The following MYO10 variants were observed in gnomAD, a reference collection of about 807,000 sequenced individuals.
The protein encoded by MYO10 is myosin X, also known as unconventional myosin-X.
A neutral mutation model predicts 257.3 loss-of-function variants in MYO10; 133 were observed. That is an observed-to-expected ratio of 0.52 (90% CI 0.45 to 0.60). The LOEUF (loss-of-function observed/expected upper bound fraction) is 0.60. MYO10 is among the 20% of genes least tolerant of loss of function. MYO10 has a pLI of 0.00. For synonymous variants in MYO10, 1,104 were observed against 1,028.6 expected, an observed-to-expected ratio of 1.07 and a Z score of -1.40; for missense variants, 2,399 against 2,635.7, an observed-to-expected ratio of 0.91 and a Z score of 1.97.
intron 3 of MYO10, among the ~76,000 whole-genome samples, chr5:16,803,175 C>T (rs1168996695): frequency 2.0e-5 from 3 of 151,974 alleles, no homozygotes; most frequent in African/African-American, 7.2e-5. Flanking sequence ...CCCGTAATCC[C>T]AGCAGTTTGG....
At chr5:16,713,571 AGGAGC>A in intron 19 of MYO10, 1 of 865,662 alleles carries the variant, frequency 1.2e-6, no homozygotes, top group Non-Finnish European at 1.4e-6. Flanking sequence ...GGAGGGAGCA[AGGAGC>A]GGCCTCGAGA....
At chr5:16,821,522 A>T (rs1450212393) in intron 2 of MYO10, among the ~76,000 whole-genome samples, 2 of 125,638 alleles carry the variant, frequency 1.6e-5, no homozygotes, top group Non-Finnish European at 3.1e-5. Context: ...GCTGGAGTGC[A>T]GTGGCGCGAT....
At chr5:16,733,916 C>A (rs1428716404) in intron 19 of MYO10, among the ~76,000 whole-genome samples, 1 of 151,998 alleles carries the variant, frequency 6.6e-6, no homozygotes, top group Admixed American at 6.6e-5. Flanking sequence ...CTGGGTGACT[C>A]GAACTGCTTA....
chr5:16,692,588 T>C (rs1288324171), intron 27 of MYO10, among the ~76,000 whole-genome samples: 2 of 152,192 alleles, frequency 1.3e-5, no homozygotes, highest in African/African-American at 4.8e-5. Flanking sequence ...GAAGAAATTA[T>C]ATGATAGGGA....
chr5:16,663,328 G>GTTTTTT lies in MYO10; in HGVS notation c.*3358_*3363dup, dbSNP rs70940395. 316 of 76,842 alleles carry GTTTTTT rather than the reference G, an allele frequency of 4.1e-3. 38 individuals carry two copies. The highest frequency in any genetic ancestry group is 7.7e-3 in the African/African-American group (120 of 15,510). The allele number at this position is 76,842 out of a possible 1,614,324, so 4.8% of individuals were successfully genotyped here. A position where few individuals can be genotyped will look rare whatever the true frequency, so the allele number is the denominator to read the frequency against. Reference sequence around the variant, plus strand: ...AAAAAGTAACATTTTACTTCTAGTTGTTTTTTTTTTTTTTTTTTTTTTTTT... The same window carrying GTTTTTT: ...AAAAAGTAACATTTTACTTCTAGTTGTTTTTTTTTTTTTTTTTTTTTTTTTTTTTTT... On this transcript the variant is annotated 3_prime_UTR_variant, in exon 41 of 41. Coordinates refer to ENST00000513610, the MANE Select transcript of MYO10 (RefSeq NM_012334.3).
chr5:16,918,329 T>C (rs886738636), intron 1 of MYO10, among the ~76,000 whole-genome samples: 1 of 152,074 alleles, frequency 6.6e-6, no homozygotes, highest in African/African-American at 2.4e-5. Flanking sequence ...ACAAACTGCA[T>C]ATGGATTCCA....
intron 19 of MYO10, among the ~76,000 whole-genome samples, chr5:16,733,779 G>C (rs1739680083): frequency 6.6e-6 from 1 of 152,184 alleles, no homozygotes; most frequent in South Asian, 2.1e-4. Context: ...AGCACTCAAA[G>C]GCCAGGTTAT....
chr5:16,707,178 G>A (rs1738383358), intron 21 of MYO10, among the ~76,000 whole-genome samples: 1 of 152,164 alleles, frequency 6.6e-6, no homozygotes, highest in African/African-American at 2.4e-5. Flanking sequence ...CCATGATCAT[G>A]AGGCCTCCCC....
chr5:16,827,302 TGGAGAC>T (rs1235828600), intron 2 of MYO10, among the ~76,000 whole-genome samples: 1 of 152,186 alleles, frequency 6.6e-6, no homozygotes. Context: ...TTTGTTTTTT[TGGAGAC>T]GGAGTCTCAC....
intron 19 of MYO10, among the ~76,000 whole-genome samples, chr5:16,750,111 A>C (rs948823819): frequency 2.6e-5 from 4 of 152,134 alleles, no homozygotes; most frequent in African/African-American, 4.8e-5. Context: ...GGAGAAGTCT[A>C]CCCTTTGTGA....
intron 9 of MYO10, among the ~76,000 whole-genome samples, chr5:16,770,341 A>G (rs2126658315): frequency 6.6e-6 from 1 of 152,286 alleles, no homozygotes; most frequent in East Asian, 1.9e-4. Context: ...AATTTCTCCA[A>G]AGGATTTTTT....
intron 1 of MYO10, among the ~76,000 whole-genome samples, chr5:16,928,351 C>T (rs116218763): frequency 0.025 from 3,844 of 152,184 alleles, 65 homozygotes; most frequent in Middle Eastern, 0.044. Context: ...CATGTCACCA[C>T]GCCCAGCTAA....
chr5:16,800,375 T>C (rs1198343611), intron 3 of MYO10, among the ~76,000 whole-genome samples: 5 of 152,140 alleles, frequency 3.3e-5, no homozygotes, highest in Admixed American at 6.6e-5. Flanking sequence ...CTGGGCAATA[T>C]AGGAAGACCC....
At position 16,665,570 on chromosome 5, in the gene MYO10, A is replaced by ATG. The variant is rs1222633669; in HGVS notation, c.*1120_*1121dup. 1.3e-5 allele frequency: 2 copies of ATG among 152,234 alleles called. No individual in the cohort carries two copies. The highest frequency in any genetic ancestry group is 2.9e-5 in the Non-Finnish European group (2 of 68,036). The allele number at this position is 152,234 out of a possible 1,614,324, so 9.4% of individuals were successfully genotyped here. On this transcript the variant is annotated 3_prime_UTR_variant, in exon 41 of 41. Coordinates refer to ENST00000513610, the MANE Select transcript of MYO10 (RefSeq NM_012334.3). Reference sequence around the variant, plus strand: ...GTGTGTATTAAAGCCTCAGCATTTAATGTCAGGGTCCTTTGAAGATTCACT... The same window carrying ATG: ...GTGTGTATTAAAGCCTCAGCATTTAATGTGTCAGGGTCCTTTGAAGATTCACT...
intron 2 of MYO10, among the ~76,000 whole-genome samples, chr5:16,852,790 T>C (rs746646963): frequency 7.2e-5 from 11 of 152,092 alleles, no homozygotes; most frequent in Non-Finnish European, 1.3e-4. Flanking sequence ...ATCTGGAAAG[T>C]CCTTTCCTGC....
At chr5:16,673,219 G>T (rs183896996) in intron 36 of MYO10, among the ~76,000 whole-genome samples, 2 of 151,886 alleles carry the variant, frequency 1.3e-5, no homozygotes, top group African/African-American at 2.4e-5. Flanking sequence ...AGAAGCCTTG[G>T]GGGGTGGGGG....
intron 2 of MYO10, among the ~76,000 whole-genome samples, chr5:16,858,240 A>C (rs1233541003): frequency 6.6e-6 from 1 of 152,174 alleles, no homozygotes; most frequent in Non-Finnish European, 1.5e-5. Context: ...GAGTTTTTCC[A>C]GACATTTAGA....
In MYO10 at chr5:16,699,514, G is replaced by A; in HGVS notation, c.3492C>T (p.Tyr1164=). ...CACAGCTGTACACAGAGTCACGCCGGTATGAAAGCTCATCATCTGTATCAA... is the reference window on the plus strand; with the variant it reads ...CACAGCTGTACACAGAGTCACGCCGATATGAAAGCTCATCATCTGTATCAA... ...SRFDTDDELS[Y]RRDSVYSCVT... The change falls in exon 26 of 41, where the codon TAC becomes TAT. Residue 1164 remains tyrosine (Y), a synonymous_variant. Transcript: ENST00000513610. 1 of 1,613,722 alleles carries A rather than the reference G, an allele frequency of 6.2e-7. No homozygotes were observed. Among genetic ancestry groups the A allele is most frequent in the Non-Finnish European group, 8.5e-7 (1 of 1,179,788 alleles).
At chr5:16,697,764 G>C (rs1561189721) in intron 26 of MYO10, among the ~76,000 whole-genome samples, 1 of 148,690 alleles carries the variant, frequency 6.7e-6, no homozygotes, top group Non-Finnish European at 1.5e-5. Flanking sequence ...AATGAAGAAA[G>C]ACGGCAATAA....
Sources: allele counts gnomAD v4.1 joint callset (sites outside exome capture counted in the v4.1 genomes callset), GRCh38; gene constraint gnomAD v4.1.1; transcripts MANE v1.5; gene names NCBI Gene and HGNC (gene_info 2026-07-23, HGNC 2026-07-21).